The following DISP3 variants were observed in gnomAD, a reference collection of about 807,000 sequenced individuals.
DISP3 encodes the protein protein dispatched homolog 3.
DISP3 carries 101 observed loss-of-function variants against 135.3 expected under a neutral mutation model. The observed-to-expected ratio is 0.75, with a 90% CI of 0.64 to 0.88. DISP3 has a LOEUF of 0.88. Ranked by LOEUF, DISP3 falls within the 40% of genes least tolerant of loss-of-function variation. The pLI is 0.00. For synonymous variants in DISP3, 856 were observed against 817.0 expected (o/e 1.05, Z -0.81); for missense variants, 1,713 against 1,878.6 (o/e 0.91, Z 1.63).
Position 11,529,949 on chromosome 1 carries a change from T to C in DISP3, c.3092T>C (p.Ile1031Thr), listed in dbSNP as rs761073235. The change falls in exon 15 of 21, where the codon ATT becomes ACT. Residue 1031 changes from isoleucine to threonine, a missense_variant. By Grantham distance (89) the Ile-to-Thr change is moderately conservative (BLOSUM62 -1). This residue lies in a region of DISP3 where 1,142 missense variants were observed against 1,384.6 expected (regional missense o/e 0.82). Coordinates refer to ENST00000294484, the MANE Select transcript of DISP3 (RefSeq NM_020780.2). This position sits in a 1 kb window ranked among gnomAD's most constrained non-coding sequence, Gnocchi z 4.7. ...ACTCGGCAGGTGGACAACCACGTCA[T>C]TGGAGACCCGGTACGGGGCATGCGT... ...NRTRQVDNHV[I>T]GDPGSVVYDS... 6.8e-6 allele frequency: 11 copies of C among 1,612,902 alleles called. No homozygotes were observed. Among genetic ancestry groups the C allele is most frequent in the African/African-American group, 6.7e-5 (5 of 74,934 alleles).
chr1:11,522,867 C>CA (rs1642275789), intron 10 of DISP3, among the ~76,000 whole-genome samples: 1 of 62,848 alleles, frequency 1.6e-5, no homozygotes, highest in African/African-American at 5.6e-5. Flanking sequence ...AGGACCCAGC[C>CA]AGAGCCCAGC....
chr1:11,530,798 G>A (rs1642555825), intron 15 of DISP3, 109 bp from the exon 16 acceptor site: 2 of 1,431,190 alleles, frequency 1.4e-6, no homozygotes, highest in Non-Finnish European at 1.9e-6. Flanking sequence ...GAGGGTGACA[G>A]GTAGCAGGAA....
intron 3 of DISP3, among the ~76,000 whole-genome samples, chr1:11,512,341 C>G (rs1450403108): frequency 6.6e-6 from 1 of 152,094 alleles, no homozygotes; most frequent in African/African-American, 2.4e-5. Flanking sequence ...ATGCCTTTAA[C>G]AGCACCCAAG....
rs762623689 is a variant in DISP3, at chr1:11,534,414, T to A, written c.3409T>A (p.Tyr1137Asn). The change falls in exon 18 of 21, where the codon TAC becomes AAC. Residue 1137 changes from tyrosine to asparagine, a missense_variant. By Grantham distance (143) the Tyr-to-Asn change is moderately radical. Coordinates refer to ENST00000294484, the MANE Select transcript of DISP3 (RefSeq NM_020780.2). Reference sequence around the variant, plus strand: ...CAAGGGCAAATCCTCCTTCCAGACCTACTCGGACTACCTGCGCTGGGAGAG... The same window carrying A: ...CAAGGGCAAATCCTCCTTCCAGACCAACTCGGACTACCTGCGCTGGGAGAG... ...TYKGKSSFQT[Y>N]SDYLRWESFL... is the part of the protein sequence containing the mutation. The A allele has an allele frequency of 6.2e-7, 1 of 1,614,206 alleles. No homozygotes were observed. Among genetic ancestry groups the A allele is most frequent in the South Asian group, 1.1e-5 (1 of 91,088 alleles).
Position 11,482,712 on chromosome 1 carries a change from C to T in DISP3, c.-4+3340C>T, listed in dbSNP as rs553159053. 7.9e-5 allele frequency among the ~76,000 whole-genome samples: 12 copies of T among 152,296 alleles called. No homozygotes were observed. In the South Asian group the frequency reaches 1.7e-3, roughly 21 times the overall value. On this transcript the variant is annotated intron_variant, in intron 1 of 20. Transcript: ENST00000294484. ...TCCCCACCTGAACCCCTCTTATACT[C>T]CTCCCCACACCCAAATGTGGAGAAA...
At chr1:11,522,639 A>AGCCAGG (rs1642246832) in intron 10 of DISP3, among the ~76,000 whole-genome samples, 7 of 50,080 alleles carry the variant, frequency 1.4e-4, no homozygotes, top group African/African-American at 6.1e-4. Flanking sequence ...GCCCAGCCAG[A>AGCCAGG]GCCCAGCCAG....
chr1:11,535,882 G>T (rs533101995), intron 20 of DISP3, among the ~76,000 whole-genome samples: 59 of 152,102 alleles, frequency 3.9e-4, no homozygotes, highest in Admixed American at 2.3e-3. Flanking sequence ...TTGGACAGAC[G>T]CAGGATTCCA....
chr1:11,521,243 G>T (rs1297920181), intron 10 of DISP3, among the ~76,000 whole-genome samples: 1 of 150,588 alleles, frequency 6.6e-6, no homozygotes, highest in Non-Finnish European at 1.5e-5. Flanking sequence ...AGTTAGCCAG[G>T]CTGGGAGGGG....
chr1:11,500,772 A>G (rs1641482096), intron 1 of DISP3, among the ~76,000 whole-genome samples: 1 of 152,198 alleles, frequency 6.6e-6, no homozygotes, highest in African/African-American at 2.4e-5. Context: ...CCAAGACCCA[A>G]AAGGGAGAAG....
chr1:11,518,066 C>T (rs1180486011), intron 7 of DISP3, among the ~76,000 whole-genome samples: 1 of 152,146 alleles, frequency 6.6e-6, no homozygotes, highest in African/African-American at 2.4e-5. Context: ...TTGAACGGGT[C>T]AGTTCAGAGT....
At chr1:11,502,140 C>T in intron 2 of DISP3, 52 bp downstream of exon 2, 5 of 1,510,716 alleles carry the variant, frequency 3.3e-6, no homozygotes, top group Non-Finnish European at 4.4e-6. Flanking sequence ...TCATACAGCT[C>T]TTTATGGAGA....
chr1:11,488,443 A>C (rs1641095926), intron 1 of DISP3, among the ~76,000 whole-genome samples: 1 of 152,146 alleles, frequency 6.6e-6, no homozygotes, highest in African/African-American at 2.4e-5. Flanking sequence ...GCTGTCACTC[A>C]CCAAGGGAGC....
Position 11,495,022 on chromosome 1 carries a change from C to T in DISP3, c.-3-5968C>T, listed in dbSNP as rs527720428. On this transcript the variant is annotated intron_variant, in intron 1 of 20. Transcript: ENST00000294484. ...TTTTTGAGGCAACACCACCTCCCACCAAAGCCCCATTCTGTCCAAATGGGG... is the reference window on the plus strand; with the variant it reads ...TTTTTGAGGCAACACCACCTCCCACTAAAGCCCCATTCTGTCCAAATGGGG... 3.3e-3 allele frequency among the ~76,000 whole-genome samples: 510 copies of T among 152,246 alleles called. 1 individual carries two copies. Among genetic ancestry groups the T allele is most frequent in the Middle Eastern group, 0.01 (3 of 294 alleles).
intron 1 of DISP3, among the ~76,000 whole-genome samples, chr1:11,492,656 C>T (rs945827882): frequency 1.3e-5 from 2 of 152,190 alleles, no homozygotes; most frequent in Non-Finnish European, 1.5e-5. Flanking sequence ...CAAATTGAGC[C>T]AACAAAGATC....
At chr1:11,508,514 C>A (rs1641768192) in intron 3 of DISP3, among the ~76,000 whole-genome samples, 1 of 151,924 alleles carries the variant, frequency 6.6e-6, no homozygotes, top group South Asian at 2.1e-4. Flanking sequence ...GTAGTGGTGT[C>A]ACCTTCCGTG....
rs373347980 is a variant in DISP3, at chr1:11,519,303, C to T, written c.1890-52C>T. ...ATCCTCAGGGCCCTGCCCCACCCTC[C>T]CTGGGTACCCAGGACCCTCTGGTTC... On this transcript the variant is annotated intron_variant, in intron 7 of 20. Coordinates refer to ENST00000294484, the MANE Select transcript of DISP3 (RefSeq NM_020780.2). This position sits in a 1 kb window ranked among gnomAD's most constrained non-coding sequence, Gnocchi z 4.3. 75 of 1,583,336 alleles carry T rather than the reference C, an allele frequency of 4.7e-5. No individual in the cohort carries two copies. Among genetic ancestry groups the T allele is most frequent in the Non-Finnish European group, 6.4e-5 (74 of 1,158,136 alleles).
At position 11,519,996 on chromosome 1, in the gene DISP3, T is replaced by C. The variant is rs1642135615; in HGVS notation, c.2200+116T>C. 3.1e-6 allele frequency: 3 copies of C among 982,968 alleles called. No homozygotes were observed. In the Admixed American group the frequency reaches 8.1e-5, roughly 27 times the overall value. 60.9% of individuals were successfully genotyped at this position (982,968 alleles called of 1,614,324 possible). ...CCAGGGTCAGAGGCCTGGGCTGGGG[T>C]CTCTCCCTCTCTGACCCCCCCTCTT... On this transcript the variant is annotated intron_variant, in intron 9 of 20. Transcript: ENST00000294484. This position sits in a 1 kb window ranked among gnomAD's most constrained non-coding sequence, Gnocchi z 4.3.
At chr1:11,522,219 C>T (rs1405944913) in intron 10 of DISP3, among the ~76,000 whole-genome samples, 3 of 152,152 alleles carry the variant, frequency 2.0e-5, no homozygotes, top group Non-Finnish European at 4.4e-5. Context: ...AATGAGAAGA[C>T]GCCTGGGTGA....
In DISP3 at chr1:11,519,477, C is replaced by G; in HGVS notation, c.2012C>G (p.Pro671Arg). The change falls in exon 8 of 21, where the codon CCC becomes CGC. Residue 671 changes from proline to arginine, a missense_variant. Around this residue, in one of 2 missense-constraint regions of DISP3, gnomAD observed 1,142 missense variants for 1,384.6 expected, o/e 0.82. Coordinates refer to ENST00000294484, the MANE Select transcript of DISP3 (RefSeq NM_020780.2). This position sits in a 1 kb window ranked among gnomAD's most constrained non-coding sequence, Gnocchi z 4.3. ...GPIPYLDDDI[P>R]LLEVEEEPVS... ...ATACCCTACCTGGATGATGACATCC[C>G]CTTGCTGGAGGTCGAGGAAGAGCCA... The G allele has an allele frequency of 1.2e-6, 2 of 1,613,686 alleles. No individual in the cohort carries two copies. The highest frequency in any genetic ancestry group is 2.2e-5 in the South Asian group (2 of 91,080).
Sources: allele counts gnomAD v4.1 joint callset (sites outside exome capture counted in the v4.1 genomes callset), GRCh38; gene constraint gnomAD v4.1.1; regional missense constraint gnomAD v4.1.1; non-coding constraint Gnocchi (gnomAD v3.1); transcripts MANE v1.5; gene names NCBI Gene and HGNC (gene_info 2026-07-23, HGNC 2026-07-21).